The following NCAPD2 variants were observed in gnomAD, a reference collection of about 807,000 sequenced individuals.
NCAPD2 encodes condensin complex subunit 1.
NCAPD2 carries 100 observed loss-of-function variants against 164.5 expected under a neutral mutation model. That is an observed-to-expected ratio of 0.61 (90% CI 0.52 to 0.72). NCAPD2 has a LOEUF of 0.72. NCAPD2 is among the 30% of genes least tolerant of loss of function. NCAPD2 has a pLI of 0.00. For synonymous variants in NCAPD2, 585 were observed against 642.6 expected, an observed-to-expected ratio of 0.91 and a Z score of 1.36; for missense variants, 1,560 against 1,749.2, an observed-to-expected ratio of 0.89 and a Z score of 1.93.
At chr12:6,497,438 A>G (rs1223006243) in intron 2 of NCAPD2, among the ~76,000 whole-genome samples, 1 of 151,038 alleles carries the variant, frequency 6.6e-6, no homozygotes, top group African/African-American at 2.4e-5. Context: ...TTTTTTTCTT[A>G]TGCTCCCCCT....
At chr12:6,506,256 C>A (rs1350894839) in intron 2 of NCAPD2, among the ~76,000 whole-genome samples, 1 of 152,082 alleles carries the variant, frequency 6.6e-6, no homozygotes, top group Admixed American at 6.6e-5. Flanking sequence ...TCACATCCAG[C>A]CTGCATCAAG....
chr12:6,523,688 C>T (rs1301233995), intron 17 of NCAPD2, among the ~76,000 whole-genome samples: 2 of 152,182 alleles, frequency 1.3e-5, no homozygotes, highest in Non-Finnish European at 1.5e-5. Flanking sequence ...TGAGCCAAAG[C>T]GCCCGGCAAC....
At chr12:6,500,898 C>T (rs1946028309) in intron 2 of NCAPD2, among the ~76,000 whole-genome samples, 1 of 152,078 alleles carries the variant, frequency 6.6e-6, no homozygotes, top group Admixed American at 6.6e-5. Flanking sequence ...GTGGCTAATA[C>T]AGTAATACCA....
At chr12:6,522,556 G>C (rs1239070267) in intron 15 of NCAPD2, among the ~76,000 whole-genome samples, 5 of 149,928 alleles carry the variant, frequency 3.3e-5, no homozygotes, top group Non-Finnish European at 7.4e-5. Flanking sequence ...CTGCACTCTA[G>C]CCGGAGCAAC....
chr12:6,529,956 A>G lies in NCAPD2; in HGVS notation c.3835A>G (p.Lys1279Glu). 1 of 1,612,852 alleles carries G rather than the reference A, an allele frequency of 6.2e-7. No homozygotes were observed. The highest frequency in any genetic ancestry group is 8.5e-7 in the Non-Finnish European group (1 of 1,179,186). The change falls in exon 29 of 32, where the codon AAG becomes GAG. Residue 1279 changes from lysine to glutamate, a missense_variant and splice_region_variant. Lys to Glu is a moderately conservative substitution (Grantham distance 56, BLOSUM62 1). Transcript: ENST00000315579. ...GCGACGTGGGGCCAAGCCTGAGGGC[A>G]AGGTGAGCAGCACAGGACACTTCAA... Reference protein sequence around the residue: ...KLRRGAKPEGKAIIDEFEQKL... With the variant: ...KLRRGAKPEGEAIIDEFEQKL...
chr12:6,527,073 T>C lies in NCAPD2; in HGVS notation c.2907+10T>C. On this transcript the variant is annotated intron_variant, in intron 22 of 31. Transcript: ENST00000315579. ...AGATCCCAAGGAGAAGGTGTGTGAA[T>C]GTCCTCAGCACTTCCCAGATTTATT... 1 of 1,603,346 alleles carries C rather than the reference T, an allele frequency of 6.2e-7. No homozygotes were observed. Among genetic ancestry groups the C allele is most frequent in the Non-Finnish European group, 8.5e-7 (1 of 1,173,214 alleles).
At chr12:6,515,876 G>A (rs955298233) in intron 9 of NCAPD2, among the ~76,000 whole-genome samples, 1 of 152,102 alleles carries the variant, frequency 6.6e-6, no homozygotes, top group Non-Finnish European at 1.5e-5. Context: ...AGGGAAAGGA[G>A]GGGATATTTA....
intron 1 of NCAPD2, among the ~76,000 whole-genome samples, 154 bp from the exon 2 acceptor site, chr12:6,494,922 G>A (rs1271191255): frequency 6.6e-6 from 1 of 152,184 alleles, no homozygotes; most frequent in Non-Finnish European, 1.5e-5. Flanking sequence ...CATTATATAT[G>A]TTGGGGGTGG....
intron 27 of NCAPD2, 89 bp from the exon 28 acceptor site, chr12:6,529,424 C>T (rs1013123066): frequency 9.5e-6 from 11 of 1,156,376 alleles, no homozygotes; most frequent in East Asian, 7.1e-5. Flanking sequence ...TCAGAGAAGA[C>T]GAGTGCTGGG....
chr12:6,531,647 A>C lies in NCAPD2; in HGVS notation c.*235A>C. 1 of 692,010 alleles carries C rather than the reference A, an allele frequency of 1.4e-6. No individual in the cohort carries two copies. The highest frequency in any genetic ancestry group is 3.7e-5 in the East Asian group (1 of 27,378). 42.9% of individuals were successfully genotyped at this position (692,010 alleles called of 1,614,324 possible). On this transcript the variant is annotated 3_prime_UTR_variant, in exon 32 of 32. Coordinates refer to ENST00000315579, the MANE Select transcript of NCAPD2 (RefSeq NM_014865.4). The surrounding 1 kb of genome is among the most constrained non-coding windows in gnomAD (Gnocchi z 4.1). ...ATGGAGAAACCCCATCTCTACTAAA[A>C]ATAAAAAATTAGCCGGGCGTATTGG...
In NCAPD2 at chr12:6,531,158, G is replaced by A. The variant is rs910294014; in HGVS notation, c.4120+82G>A. The A allele has an allele frequency of 1.3e-6, 2 of 1,569,832 alleles. No individual in the cohort carries two copies. Among genetic ancestry groups the A allele is most frequent in the African/African-American group, 2.7e-5 (2 of 73,956 alleles). On this transcript the variant is annotated intron_variant, in intron 31 of 31. Coordinates refer to ENST00000315579, the MANE Select transcript of NCAPD2 (RefSeq NM_014865.4). This position sits in a 1 kb window ranked among gnomAD's most constrained non-coding sequence, Gnocchi z 4.1. The stretch of plus-strand genomic sequence containing the variant: ...CTGGTTTCCATAGGACCTGCTGCGG[G>A]GGCCTGAGTGTAGATGCTCTGCCCC...
chr12:6,501,369 G>T (rs1237470268), intron 2 of NCAPD2, among the ~76,000 whole-genome samples: 2 of 150,274 alleles, frequency 1.3e-5, no homozygotes, highest in Admixed American at 1.3e-4. Context: ...TGTATTTTTA[G>T]TAGAGATGCG....
chr12:6,528,408 C>T lies in NCAPD2; in HGVS notation c.3299+80C>T. The T allele has an allele frequency of 6.4e-7, 1 of 1,571,234 alleles. No individual in the cohort carries two copies. The highest frequency in any genetic ancestry group is 1.1e-5 in the South Asian group (1 of 89,690). On this transcript the variant is annotated intron_variant, in intron 25 of 31. Transcript: ENST00000315579. This position sits in a 1 kb window ranked among gnomAD's most constrained non-coding sequence, Gnocchi z 5.1. ...AGAGTCAGTGTGAGAATCACCAGGGCTCTTCCCCTAGGCTTTGGCATCACC... is the reference window on the plus strand; with the variant it reads ...AGAGTCAGTGTGAGAATCACCAGGGTTCTTCCCCTAGGCTTTGGCATCACC...
At position 6,526,629 on chromosome 12, in the gene NCAPD2, G is replaced by C. The variant is rs74058617; in HGVS notation, c.2734+14G>C. ...AGGAGGACCCGAGTAAGTGGGCAGG[G>C]GTTGACCCACTGCGGCAGCCAGCTT... is the stretch of plus-strand genomic sequence containing the variant. On this transcript the variant is annotated intron_variant, in intron 21 of 31. Transcript: ENST00000315579. The C allele has an allele frequency of 3.5e-3, 5,574 of 1,607,202 alleles. 207 individuals are homozygous for C. The African/African-American group carries it at 0.065, about 19-fold the overall frequency.
chr12:6,522,243 G>A (rs1218066467), intron 15 of NCAPD2, among the ~76,000 whole-genome samples: 1 of 151,670 alleles, frequency 6.6e-6, no homozygotes, highest in African/African-American at 2.4e-5. Context: ...CATGGATCTT[G>A]GAGTTCTTTT....
At position 6,531,324 on chromosome 12, in the gene NCAPD2, T is replaced by C. The variant is rs113760731; in HGVS notation, c.4121-3T>C. ...TTTCTTATTCCTTTAATTCTTTGCA[T>C]AGATCTTTCAGCAGAGATGACAGAA... On this transcript the variant is annotated splice_region_variant and splice_polypyrimidine_tract_variant and intron_variant, in intron 31 of 31. Coordinates refer to ENST00000315579, the MANE Select transcript of NCAPD2 (RefSeq NM_014865.4). The surrounding 1 kb of genome is among the most constrained non-coding windows in gnomAD (Gnocchi z 4.1). 1 of 1,611,874 alleles carries C rather than the reference T, an allele frequency of 6.2e-7. No homozygotes were observed. The highest frequency in any genetic ancestry group is 8.5e-7 in the Non-Finnish European group (1 of 1,179,218).
At position 6,528,052 on chromosome 12, in the gene NCAPD2, C is replaced by T. The variant is rs1946332608; in HGVS notation, c.3104C>T (p.Ala1035Val). Residue 1035 changes from alanine (A) to valine (V), a missense_variant, in exon 24 of 32, where the codon GCA becomes GTA. By Grantham distance (64) the Ala-to-Val change is moderately conservative (BLOSUM62 0). Coordinates refer to ENST00000315579, the MANE Select transcript of NCAPD2 (RefSeq NM_014865.4). This position sits in a 1 kb window ranked among gnomAD's most constrained non-coding sequence, Gnocchi z 5.1. ...PGLYSNPDLS[A>V]AASLALGKFC... ...CTCTATAGCAACCCAGACCTCTCTG[C>T]AGCTGCTTCACTTGCCCTTGGCAAG... 6.2e-7 allele frequency: 1 copy of T among 1,614,256 alleles called. No individual in the cohort carries two copies. Among genetic ancestry groups the T allele is most frequent in the African/African-American group, 1.3e-5 (1 of 75,062 alleles).
At chr12:6,523,406 T>TTTTTG in intron 17 of NCAPD2, 60 bp downstream of exon 17, 1 of 1,436,820 alleles carries the variant, frequency 7.0e-7, no homozygotes, top group South Asian at 1.2e-5. Flanking sequence ...TTGTTTTTTT[T>TTTTTG]TTTTTTTTTG....
chr12:6,526,296 G>T lies in NCAPD2; in HGVS notation c.2491G>T (p.Gly831Cys). 1.9e-5 allele frequency: 30 copies of T among 1,614,150 alleles called. No individual in the cohort carries two copies. Among genetic ancestry groups the T allele is most frequent in the Non-Finnish European group, 2.5e-5 (29 of 1,180,046 alleles). Residue 831 changes from glycine to cysteine, a missense_variant, in exon 20 of 32, where the codon GGC (glycine) becomes TGC (cysteine). Coordinates refer to ENST00000315579, the MANE Select transcript of NCAPD2 (RefSeq NM_014865.4). ...GTCTTGCTCTCCACAGCCTTCTCTG[G>T]GCAAACGTCACCCCCCCTTCCGGCT... ...NISDRRKPSL[G>C]KRHPPFRLPQ... is the part of the protein sequence containing the mutation.
Sources: gnomAD v4.1 joint callset for allele counts (sites outside exome capture counted in the v4.1 genomes callset) on GRCh38, gnomAD v4.1.1 for gene constraint, Gnocchi (gnomAD v3.1) non-coding constraint, MANE v1.5 for transcripts, NCBI Gene and HGNC (gene_info 2026-07-23, HGNC 2026-07-21) for gene names.